ERAP1: variants seen among roughly 807,000 people sequenced by gnomAD.
ERAP1 encodes endoplasmic reticulum aminopeptidase 1.
A neutral mutation model predicts 103.7 loss-of-function variants in ERAP1; 86 were observed. The observed-to-expected ratio is 0.83, with a 90% CI of 0.70 to 0.99. ERAP1 has a LOEUF of 0.99. Among genes scored for constraint, ERAP1 ranks in the 50% least tolerant of loss-of-function variants. The pLI is 0.00. For missense variants in ERAP1, 1,009 were observed against 1,128.4 expected, an observed-to-expected ratio of 0.89 and a Z score of 1.52; for synonymous variants, 398 against 402.4, an observed-to-expected ratio of 0.99 and a Z score of 0.13.
chr5:96,803,502 C>A lies in ERAP1; in HGVS notation c.425G>T (p.Gly142Val), dbSNP rs561662269. ...ALLAPEPLLV[G>V]LPYTVVIHYA... ...GTGAATGACAACTGTGTACGGGAGC[C>A]CGACAAGGAGGGGCTCGGGAGCCAG... Residue 142 changes from glycine (G) to valine (V), a missense_variant, in exon 2 of 19, where the codon GGG (glycine) becomes GTG (valine). Gly to Val is a moderately radical substitution (Grantham distance 109). This residue lies in a region of ERAP1 where 392 missense variants were observed against 455.2 expected (regional missense o/e 0.86). Transcript: ENST00000443439. The A allele has an allele frequency of 1.2e-6, 2 of 1,613,284 alleles. No homozygotes were observed. The highest frequency in any genetic ancestry group is 2.7e-5 in the African/African-American group (2 of 74,938).
chr5:96,894,474 G>A, the ERAP1 span, among the ~76,000 whole-genome samples: 81,996 of 151,884 alleles, frequency 0.54, 22,210 homozygotes, highest in Admixed American at 0.59. Flanking sequence ...GCTTTGGTCC[G>A]TCTAGAGATT....
At chr5:96,914,005 G>T in the ERAP1 span, among the ~76,000 whole-genome samples, 3 of 152,150 alleles carry the variant, frequency 2.0e-5, no homozygotes, top group African/African-American at 7.2e-5. Flanking sequence ...CTTTTCTGGG[G>T]TTTCAACTTT....
chr5:96,885,742 G>A, the ERAP1 span, among the ~76,000 whole-genome samples: 1 of 152,028 alleles, frequency 6.6e-6, no homozygotes, highest in South Asian at 2.1e-4. Context: ...CTAGCTTGAA[G>A]AAAATGTTTT....
the ERAP1 span, among the ~76,000 whole-genome samples, chr5:96,914,570 G>C: frequency 3.9e-4 from 60 of 152,288 alleles, no homozygotes; most frequent in African/African-American, 1.4e-3. Flanking sequence ...CAATGCTGTG[G>C]ATTTCATTTT....
chr5:96,776,125 A>G lies in ERAP1; in HGVS notation c.*271T>C. Reference sequence around the variant, plus strand: ...GTGCTTAAGCATAAACTATAAAATGAGAAGAATAAGGTACTTTATTCTTCT... The same window carrying G: ...GTGCTTAAGCATAAACTATAAAATGGGAAGAATAAGGTACTTTATTCTTCT... On this transcript the variant is annotated 3_prime_UTR_variant, in exon 19 of 19. Coordinates refer to ENST00000443439, the MANE Select transcript of ERAP1 (RefSeq NM_001040458.3). The G allele has an allele frequency of 7.1e-7, 1 of 1,415,910 alleles. No homozygotes were observed. Among genetic ancestry groups the G allele is most frequent in the Non-Finnish European group, 9.3e-7 (1 of 1,071,024 alleles). The allele number at this position is 1,415,910 out of a possible 1,614,324, so 87.7% of individuals were successfully genotyped here. A position where few individuals can be genotyped will look rare whatever the true frequency, so the allele number is the denominator to read the frequency against.
At chr5:96,780,895 A>G (rs2150900444) in intron 17 of ERAP1, among the ~76,000 whole-genome samples, 163 bp downstream of exon 17, 1 of 152,356 alleles carries the variant, frequency 6.6e-6, no homozygotes, top group Middle Eastern at 3.4e-3. Context: ...TTAGCACTGA[A>G]GTCCAGTTTT....
At chr5:96,901,176 GTTTGTTTGTTTGAT>G in the ERAP1 span, among the ~76,000 whole-genome samples, 10 of 125,216 alleles carry the variant, frequency 8.0e-5, no homozygotes, top group African/African-American at 2.9e-4. Context: ...GGTTTTGTTT[GTTTGTTTGTTTGAT>G]TTTGTTTGTT....
chr5:96,926,877 T>TGCAGTCTCAGCTCGCTGCA, the ERAP1 span, among the ~76,000 whole-genome samples: 1 of 152,170 alleles, frequency 6.6e-6, no homozygotes, highest in Non-Finnish European at 1.5e-5. Flanking sequence ...AGTGCACTGG[T>TGCAGTCTCAGCTCGCTGCA]GCAGTCTCAG....
chr5:96,911,502 T>A, the ERAP1 span, among the ~76,000 whole-genome samples: 1 of 152,002 alleles, frequency 6.6e-6, no homozygotes, highest in Admixed American at 6.5e-5. Context: ...TTTTAAAAAA[T>A]TATAAAATAA....
chr5:96,838,303 C>T, the ERAP1 span, among the ~76,000 whole-genome samples: 4 of 152,136 alleles, frequency 2.6e-5, no homozygotes, highest in African/African-American at 9.7e-5. Context: ...GAGCTTCAGG[C>T]TGGGTACCTC....
the ERAP1 span, chr5:96,892,219 T>C: frequency 2.2e-6 from 3 of 1,386,340 alleles, no homozygotes; most frequent in Middle Eastern, 1.8e-4. Context: ...TAAAGGATCA[T>C]AGTGTATTTG....
chr5:96,840,512 T>C, the ERAP1 span, among the ~76,000 whole-genome samples: 1 of 152,196 alleles, frequency 6.6e-6, no homozygotes, highest in Non-Finnish European at 1.5e-5. Context: ...AAGATGATTG[T>C]TCTAACCTAG....
the ERAP1 span, among the ~76,000 whole-genome samples, chr5:96,913,786 A>G: frequency 6.6e-6 from 1 of 152,170 alleles, no homozygotes; most frequent in Non-Finnish European, 1.5e-5. Context: ...AAGAATCCCA[A>G]GATGCCTTGT....
At position 96,783,087 on chromosome 5, in the gene ERAP1, T is replaced by C; in HGVS notation, c.2249A>G (p.Tyr750Cys). Reference protein sequence around the residue: ...YQPCVQRAEGYFRKWKESNGN... With the variant: ...YQPCVQRAEGCFRKWKESNGN... The stretch of plus-strand genomic sequence containing the variant: ...ATTGGATTCCTTCCACTTTCTGAAA[T>C]AGCCTTCTGCCCTCTGTACGCACGG... Residue 750 changes from tyrosine to cysteine, a missense_variant, in exon 15 of 19, where the codon TAT (tyrosine) becomes TGT (cysteine). Physicochemically the swap from Tyr to Cys is radical, Grantham distance 194 (BLOSUM62 -2). Transcript: ENST00000443439. 1.9e-6 allele frequency: 3 copies of C among 1,614,224 alleles called. No individual in the cohort carries two copies. The highest frequency in any genetic ancestry group is 2.5e-6 in the Non-Finnish European group (3 of 1,180,042).
the ERAP1 span, among the ~76,000 whole-genome samples, chr5:96,915,308 C>T: frequency 6.6e-6 from 1 of 151,972 alleles, no homozygotes; most frequent in African/African-American, 2.4e-5. Flanking sequence ...CGCGCCCAGC[C>T]CATATAATTT....
the ERAP1 span, among the ~76,000 whole-genome samples, chr5:96,843,361 A>G: frequency 6.6e-6 from 1 of 152,218 alleles, no homozygotes; most frequent in African/African-American, 2.4e-5. Context: ...ACCCCATCCA[A>G]ATGTCTTATT....
chr5:96,930,025 G>A, the ERAP1 span, among the ~76,000 whole-genome samples: 12 of 152,194 alleles, frequency 7.9e-5, no homozygotes, highest in Non-Finnish European at 1.5e-4. Flanking sequence ...TTGGCCAAGG[G>A]GACCCCAGGG....
the ERAP1 span, among the ~76,000 whole-genome samples, chr5:96,906,574 G>A: frequency 1.1e-4 from 16 of 152,192 alleles, no homozygotes; most frequent in Non-Finnish European, 2.1e-4. Context: ...AGAATGGAGA[G>A]AGAATTTGAT....
At chr5:96,828,072 T>G in the ERAP1 span, among the ~76,000 whole-genome samples, 14,433 of 152,262 alleles carry the variant, frequency 0.095, 902 homozygotes, top group Middle Eastern at 0.16. Flanking sequence ...ATTTCAAATT[T>G]TAGCCTGAAA....
Sources: gnomAD v4.1 joint callset for allele counts (sites outside exome capture counted in the v4.1 genomes callset) on GRCh38, gnomAD v4.1.1 for gene constraint, gnomAD v4.1.1 regional missense constraint, MANE v1.5 for transcripts, NCBI Gene and HGNC (gene_info 2026-07-23, HGNC 2026-07-21) for gene names.